The following CHLSN variants were observed in gnomAD, a reference collection of about 807,000 sequenced individuals.
CHLSN encodes the protein cholesin.
chr7:1,041,468 CA>C, the CHLSN span, among the ~76,000 whole-genome samples: 2 of 152,270 alleles, frequency 1.3e-5, no homozygotes, highest in African/African-American at 4.8e-5. Context: ...AGGGACTCCA[CA>C]ATTCCTTACT....
chr7:1,024,745 G>T, the CHLSN span: 2 of 152,172 alleles, frequency 1.3e-5, no homozygotes, highest in Admixed American at 6.5e-5. Context: ...CTGACTGAGT[G>T]GGGGAGCACT....
the CHLSN span, chr7:983,448 C>T: frequency 1.5e-6 from 2 of 1,354,930 alleles, no homozygotes; most frequent in Non-Finnish European, 9.6e-7. Context: ...GGCCCCCCTC[C>T]TGGGGAAGCC....
the CHLSN span, among the ~76,000 whole-genome samples, chr7:1,013,226 C>T: frequency 2.6e-5 from 4 of 152,142 alleles, no homozygotes; most frequent in Non-Finnish European, 5.9e-5. Context: ...ACCCACGTGC[C>T]GACCCTCCAA....
the CHLSN span, chr7:986,433 C>G: frequency 9.3e-6 from 6 of 645,386 alleles, no homozygotes; most frequent in South Asian, 7.8e-5. Context: ...TTCCGGGACA[C>G]GGACAGGGGG....
At chr7:985,307 G>A in the CHLSN span, 5 of 1,550,972 alleles carry the variant, frequency 3.2e-6, no homozygotes, top group Admixed American at 3.9e-5. Flanking sequence ...GTCCTCTTGG[G>A]GTCCCCTGGC....
At chr7:1,079,027 GGAGGCAGC>G in the CHLSN span, among the ~76,000 whole-genome samples, 1 of 150,924 alleles carries the variant, frequency 6.6e-6, no homozygotes, top group Middle Eastern at 3.2e-3. Flanking sequence ...GGCCGGCTGA[GGAGGCAGC>G]GAGGCAGCGG....
the CHLSN span, among the ~76,000 whole-genome samples, chr7:991,013 T>C: frequency 2.6e-5 from 4 of 151,182 alleles, no homozygotes; most frequent in African/African-American, 7.3e-5. Context: ...CTGGGTGGGG[T>C]GAAGGACTCA....
chr7:987,121 G>A, the CHLSN span: 4 of 1,562,156 alleles, frequency 2.6e-6, no homozygotes, highest in Admixed American at 1.8e-5. Context: ...ATGACCCCGA[G>A]GGCCTGTTTG....
At chr7:1,027,985 A>G in the CHLSN span, among the ~76,000 whole-genome samples, 2 of 151,500 alleles carry the variant, frequency 1.3e-5, no homozygotes, top group African/African-American at 2.4e-5. Context: ...CCACCCTGCC[A>G]CCCGCGGCCC....
At chr7:1,016,293 A>T in the CHLSN span, among the ~76,000 whole-genome samples, 5 of 54,578 alleles carry the variant, frequency 9.2e-5, 2 homozygotes, top group African/African-American at 8.7e-4. Flanking sequence ...ACAGCAGTGC[A>T]CGCCAGCACA....
At chr7:1,040,183 T>TAAAAAAAA in the CHLSN span, among the ~76,000 whole-genome samples, 1,147 of 74,286 alleles carry the variant, frequency 0.015, 21 homozygotes, top group African/African-American at 0.048. Context: ...AAAATAAATT[T>TAAAAAAAA]AAAAAAAAAA....
chr7:1,112,333 G>A, the CHLSN span, among the ~76,000 whole-genome samples: 3 of 152,362 alleles, frequency 2.0e-5, no homozygotes, highest in Admixed American at 2.0e-4. Context: ...TTAGAGATGA[G>A]AGAGGCCGGC....
the CHLSN span, chr7:1,009,811 G>T: frequency 1.3e-6 from 1 of 747,312 alleles, no homozygotes; most frequent in Non-Finnish European, 2.1e-6. Flanking sequence ...AGCGGCGGCA[G>T]CACAGGCCTG....
the CHLSN span, among the ~76,000 whole-genome samples, chr7:1,071,699 G>A: frequency 2.0e-5 from 3 of 152,330 alleles, no homozygotes; most frequent in East Asian, 1.9e-4. Flanking sequence ...GCCACAGGAC[G>A]CATTGCCAGG....
At chr7:995,088 C>T in the CHLSN span, among the ~76,000 whole-genome samples, 15 of 152,264 alleles carry the variant, frequency 9.9e-5, no homozygotes, top group East Asian at 3.8e-4. Flanking sequence ...CCCGCACAAG[C>T]GCCAGCTGAG....
chr7:1,071,445 G>A, the CHLSN span, among the ~76,000 whole-genome samples: 1 of 152,184 alleles, frequency 6.6e-6, no homozygotes, highest in Non-Finnish European at 1.5e-5. Flanking sequence ...GATGTGAGGT[G>A]GGCCTGGGCA....
At chr7:1,093,775 C>A in the CHLSN span, 1 of 433,820 alleles carries the variant, frequency 2.3e-6, no homozygotes, top group Non-Finnish European at 4.9e-6. Flanking sequence ...AGGCTGGTGA[C>A]GTTCAGCCTT....
the CHLSN span, among the ~76,000 whole-genome samples, chr7:1,018,318 C>T: frequency 6.6e-6 from 1 of 152,226 alleles, no homozygotes; most frequent in Non-Finnish European, 1.5e-5. Context: ...CGTCTTTCTT[C>T]TCACTCCACA....
the CHLSN span, chr7:988,957 A>G: frequency 3.6e-6 from 2 of 554,776 alleles, no homozygotes; most frequent in East Asian, 3.0e-5. Context: ...CCCCACCCCC[A>G]CAGGGTCAGC....
Sources: allele counts gnomAD v4.1 joint callset (sites outside exome capture counted in the v4.1 genomes callset), GRCh38; gene constraint gnomAD v4.1.1; transcripts MANE v1.5; gene names NCBI Gene and HGNC (gene_info 2026-07-23, HGNC 2026-07-21).